Variants in EIF3J observed in about 807,000 individuals in gnomAD.
EIF3J encodes the protein eukaryotic translation initiation factor 3, subunit 1 (alpha, 35kD).
Under a neutral mutation model 39.0 loss-of-function variants are expected in EIF3J, and 15 were observed. That is an observed-to-expected ratio of 0.38 (90% CI 0.26 to 0.59). The LOEUF (loss-of-function observed/expected upper bound fraction) is 0.59. Among genes scored for constraint, EIF3J ranks in the 20% least tolerant of loss-of-function variants. EIF3J has a pLI of 0.60. For synonymous variants in EIF3J, 98 were observed against 112.9 expected, an observed-to-expected ratio of 0.87 and a Z score of 0.84; for missense variants, 226 against 308.6, an observed-to-expected ratio of 0.73 and a Z score of 2.00.
chr15:44,550,983 T>C lies in EIF3J; in HGVS notation c.202+53T>C, dbSNP rs937339817. 1.3e-5 allele frequency: 20 copies of C among 1,584,902 alleles called. No individual in the cohort carries two copies. In the African/African-American group the frequency reaches 2.6e-4, roughly 20 times the overall value. ...GTTTTTATGTCTTGCTGAGCATTTG[T>C]GACTTGTATTAAGACAAATGACAGA... On this transcript the variant is annotated intron_variant, in intron 3 of 7. Coordinates refer to ENST00000261868, the MANE Select transcript of EIF3J (RefSeq NM_003758.4).
At chr15:44,560,715 G>A in intron 7 of EIF3J, 1 of 338,522 alleles carries the variant, frequency 3.0e-6, no homozygotes, top group Admixed American at 4.3e-5. Context: ...ATTTTAAATT[G>A]GGGGGTACTT....
At chr15:44,557,426 TA>T in intron 5 of EIF3J, 62 bp from the exon 6 acceptor site, 1 of 1,298,408 alleles carries the variant, frequency 7.7e-7, no homozygotes, top group South Asian at 1.8e-5. Flanking sequence ...ATTGGCTTTG[TA>T]AGGTTTCATT....
chr15:44,557,471 G>A lies in EIF3J; in HGVS notation c.410-18G>A. On this transcript the variant is annotated intron_variant, in intron 5 of 7. Coordinates refer to ENST00000261868, the MANE Select transcript of EIF3J (RefSeq NM_003758.4). ...TCCTAACCTCCTGATACTTTTCAGT[G>A]CTTCTTTTCTCCTACAGGTGTTAAT... is the stretch of plus-strand genomic sequence containing the variant. 6.7e-7 allele frequency: 1 copy of A among 1,488,604 alleles called. No individual in the cohort carries two copies. The highest frequency in any genetic ancestry group is 8.9e-7 in the Non-Finnish European group (1 of 1,122,608). 92.2% of individuals were successfully genotyped at this position (1,488,604 alleles called of 1,614,324 possible). A position where few individuals can be genotyped will look rare whatever the true frequency, so the allele number is the denominator to read the frequency against.
chr15:44,549,280 G>T (rs1416507822), intron 2 of EIF3J, among the ~76,000 whole-genome samples: 1 of 151,526 alleles, frequency 6.6e-6, no homozygotes, highest in Admixed American at 6.6e-5. Flanking sequence ...AATCCCAGCT[G>T]CTTGGGAGGC....
chr15:44,552,445 ATGT>A lies in EIF3J; in HGVS notation c.294+926_294+928del, dbSNP rs573267996. Among the ~76,000 whole-genome samples, 3 of 152,126 alleles carry A rather than the reference ATGT, an allele frequency of 2.0e-5. No individual in the cohort carries two copies. The East Asian group carries it at 5.8e-4, about 29-fold the overall frequency. The stretch of plus-strand genomic sequence containing the variant: ...TTTTTAGTAGAGATGGGGTTTCGCC[ATGT>A]TGGCCGGGCTGGTCTCAAACTCCTG... On this transcript the variant is annotated intron_variant, in intron 4 of 7. Transcript: ENST00000261868.
chr15:44,553,901 G>A (rs2082121834), intron 4 of EIF3J, among the ~76,000 whole-genome samples: 2 of 152,162 alleles, frequency 1.3e-5, no homozygotes, highest in Admixed American at 6.5e-5. Flanking sequence ...TAGTAGCAGT[G>A]TATGAAAGTA....
chr15:44,559,574 G>C (rs1461237796), intron 6 of EIF3J, among the ~76,000 whole-genome samples: 1 of 151,882 alleles, frequency 6.6e-6, no homozygotes, highest in African/African-American at 2.4e-5. Context: ...GGGCATGGTG[G>C]CGGGCGCCTG....
intron 2 of EIF3J, among the ~76,000 whole-genome samples, chr15:44,540,261 A>T (rs1262133419): frequency 1.7e-5 from 1 of 57,838 alleles, no homozygotes; most frequent in African/African-American, 5.6e-5. Flanking sequence ...ATATATATAT[A>T]TATATATTTT....
At chr15:44,550,499 C>T (rs966344101) in intron 2 of EIF3J, among the ~76,000 whole-genome samples, 12 of 151,096 alleles carry the variant, frequency 7.9e-5, no homozygotes, top group Non-Finnish European at 1.3e-4. Flanking sequence ...TGGGTCTTGC[C>T]GATAGGTTTT....
chr15:44,552,555 T>A (rs1418662461), intron 4 of EIF3J, among the ~76,000 whole-genome samples: 2 of 150,116 alleles, frequency 1.3e-5, no homozygotes, highest in African/African-American at 2.5e-5. Context: ...TATTTTCTAT[T>A]TCTTTTCTTT....
intron 4 of EIF3J, among the ~76,000 whole-genome samples, chr15:44,552,985 A>G (rs1210278332): frequency 6.6e-6 from 1 of 152,010 alleles, no homozygotes; most frequent in Non-Finnish European, 1.5e-5. Flanking sequence ...CATGGATTTG[A>G]GACCAGCCTG....
chr15:44,537,219 G>GCGGCGT lies in EIF3J; in HGVS notation c.25_26insCGGCGT (p.Gly9delinsAlaAlaTrp), dbSNP rs1200335977. 1.4e-5 allele frequency: 23 copies of GCGGCGT among 1,601,928 alleles called. No individual in the cohort carries two copies. Among genetic ancestry groups the GCGGCGT allele is most frequent in the Non-Finnish European group, 1.9e-5 (22 of 1,174,858 alleles). ...GATGGCGGCGGCGGCGGCGGCGGCG[G>GCGGCGT]GGGACTCGGACTCCTGGGGTGAGGA... On this transcript the variant is annotated protein_altering_variant, in exon 1 of 8. Transcript: ENST00000261868.
At chr15:44,551,545 C>T in intron 4 of EIF3J, 23 bp downstream of exon 4, 2 of 1,531,694 alleles carry the variant, frequency 1.3e-6, no homozygotes, top group Non-Finnish European at 1.8e-6. Flanking sequence ...TTCTAAAATA[C>T]AGAATTCTCA....
chr15:44,548,372 G>A (rs918066633), intron 2 of EIF3J, among the ~76,000 whole-genome samples: 10 of 152,096 alleles, frequency 6.6e-5, no homozygotes, highest in African/African-American at 1.2e-4. Context: ...CTGAGATCGC[G>A]CCATTGCACT....
chr15:44,551,831 TTTTG>T (rs1466987944), intron 4 of EIF3J, among the ~76,000 whole-genome samples: 5 of 150,676 alleles, frequency 3.3e-5, no homozygotes, highest in South Asian at 4.2e-4. Context: ...TGTTGTTGTT[TTTTG>T]TTTTTTTTTT....
Position 44,561,970 on chromosome 15 carries a change from A to G in EIF3J, c.*821A>G, listed in dbSNP as rs1307042286. 6.6e-6 allele frequency: 1 copy of G among 152,638 alleles called. No individual in the cohort carries two copies. Among genetic ancestry groups the G allele is most frequent in the Non-Finnish European group, 1.5e-5 (1 of 68,028 alleles). 9.5% of individuals were successfully genotyped at this position (152,638 alleles called of 1,614,324 possible). ...TTTCCTTTCCTTTCCTTTATAAAAC[A>G]TGCTCAGCAAACTGCACCAGTTAAC... On this transcript the variant is annotated 3_prime_UTR_variant, in exon 8 of 8. Transcript: ENST00000261868.
In EIF3J at chr15:44,561,172, A is replaced by T; in HGVS notation, c.*23A>T. The T allele has an allele frequency of 6.2e-7, 1 of 1,601,948 alleles. No homozygotes were observed. On this transcript the variant is annotated 3_prime_UTR_variant, in exon 8 of 8. Coordinates refer to ENST00000261868, the MANE Select transcript of EIF3J (RefSeq NM_003758.4). ...TGACATTTTATCTTTTCTTGGTGTCATCTTTATGTTGCCCACAATCCCTTG... is the reference window on the plus strand; with the variant it reads ...TGACATTTTATCTTTTCTTGGTGTCTTCTTTATGTTGCCCACAATCCCTTG...
intron 2 of EIF3J, among the ~76,000 whole-genome samples, chr15:44,539,998 G>A (rs1284341219): frequency 1.4e-5 from 2 of 147,174 alleles, no homozygotes; most frequent in African/African-American, 5.0e-5. Context: ...GGAGTGCCGT[G>A]GCACGATCTT....
At chr15:44,542,417 C>T (rs973082043) in intron 2 of EIF3J, among the ~76,000 whole-genome samples, 1 of 152,032 alleles carries the variant, frequency 6.6e-6, no homozygotes, top group African/African-American at 2.4e-5. Flanking sequence ...TATGTTAGTT[C>T]CTAGGCTGTT....
Sources: gnomAD v4.1 joint callset for allele counts (sites outside exome capture counted in the v4.1 genomes callset) on GRCh38, gnomAD v4.1.1 for gene constraint, MANE v1.5 for transcripts, NCBI Gene and HGNC (gene_info 2026-07-23, HGNC 2026-07-21) for gene names.